The following MRAP2 variants were observed in gnomAD, a reference collection of about 807,000 sequenced individuals.
MRAP2 encodes the protein melanocortin-2 receptor accessory protein 2.
A neutral mutation model predicts 17.4 loss-of-function variants in MRAP2; 20 were observed. The ratio of observed to expected loss-of-function variants is 1.15; its 90% CI spans 0.81 to 1.67. The LOEUF (loss-of-function observed/expected upper bound fraction) is 1.67, where lower values mean the gene tolerates loss of function less well. Among genes scored for constraint, MRAP2 ranks in the 40% most tolerant of loss-of-function variants. The pLI is 0.00. For synonymous variants in MRAP2, 96 were observed against 88.4 expected (o/e 1.09, Z -0.48); for missense variants, 238 against 240.0 (o/e 0.99, Z 0.05).
At chr6:84,045,244 G>A (rs2099488671) in intron 1 of MRAP2, 1 of 985,346 alleles carries the variant, frequency 1.0e-6, no homozygotes, top group East Asian at 1.1e-4. Context: ...TGGACATGCT[G>A]GACATCGGGC....
the MRAP2 span, among the ~76,000 whole-genome samples, chr6:84,117,741 A>C: frequency 1.1e-4 from 17 of 151,468 alleles, 1 homozygote; most frequent in Admixed American, 6.6e-5. Context: ...GGGCTGCTGC[A>C]GTTTGCTGGG....
the MRAP2 span, among the ~76,000 whole-genome samples, chr6:84,116,563 A>C: frequency 6.6e-6 from 1 of 152,160 alleles, no homozygotes; most frequent in Admixed American, 6.5e-5. Flanking sequence ...CACTTGTCTT[A>C]TGCCGATTTT....
chr6:84,106,591 A>C, the MRAP2 span, among the ~76,000 whole-genome samples: 1 of 152,186 alleles, frequency 6.6e-6, no homozygotes, highest in Non-Finnish European at 1.5e-5. Context: ...TGCATATTAC[A>C]GAATTATCTG....
chr6:84,037,790 G>A (rs552515340), intron 1 of MRAP2, among the ~76,000 whole-genome samples: 25 of 152,042 alleles, frequency 1.6e-4, no homozygotes, highest in African/African-American at 5.3e-4. Flanking sequence ...TAGAACTCAC[G>A]CTGGCCAGCC....
At chr6:84,041,428 G>A (rs1033413670) in intron 1 of MRAP2, among the ~76,000 whole-genome samples, 1 of 152,228 alleles carries the variant, frequency 6.6e-6, no homozygotes, top group African/African-American at 2.4e-5. Context: ...ACTGCCTAGT[G>A]GAGTTCTGAG....
chr6:84,071,785 C>T (rs2099496252), intron 3 of MRAP2, among the ~76,000 whole-genome samples: 1 of 152,008 alleles, frequency 6.6e-6, no homozygotes, highest in South Asian at 2.1e-4. Flanking sequence ...TTTTCTTATT[C>T]TTTTTCAATG....
At chr6:84,034,505 G>T (rs1361808718) in intron 1 of MRAP2, among the ~76,000 whole-genome samples, 3 of 3,708 alleles carry the variant, frequency 8.1e-4, no homozygotes, top group South Asian at 4.5e-3. Flanking sequence ...CGCTCCCCCC[G>T]CCCGCCCCGC....
At chr6:84,062,394 G>T (rs2099493387) in intron 2 of MRAP2, 1 of 362,834 alleles carries the variant, frequency 2.8e-6, no homozygotes, top group Non-Finnish European at 3.8e-6. Context: ...CCAACCATGA[G>T]GCAGCCCAGA....
At chr6:84,115,411 G>T in the MRAP2 span, among the ~76,000 whole-genome samples, 1 of 152,140 alleles carries the variant, frequency 6.6e-6, no homozygotes, top group Non-Finnish European at 1.5e-5. Flanking sequence ...CAGCAATGGT[G>T]GACGCCCCTT....
chr6:84,040,641 G>A lies in MRAP2; in HGVS notation c.-8+6758G>A, dbSNP rs567557966. On this transcript the variant is annotated intron_variant, in intron 1 of 3. Transcript: ENST00000257776. Reference sequence around the variant, plus strand: ...TGATATGGACAATGAAGTCCAGGCTGAGGTGGTCTCAGATAGAGATGAGGA... The same window carrying A: ...TGATATGGACAATGAAGTCCAGGCTAAGGTGGTCTCAGATAGAGATGAGGA... Among the ~76,000 whole-genome samples the A allele has an allele frequency of 3.9e-5, 6 of 152,316 alleles. 1 individual carries two copies. Among genetic ancestry groups the A allele is most frequent in the African/African-American group, 1.2e-4 (5 of 41,572 alleles).
At chr6:84,108,823 CTT>C in the MRAP2 span, among the ~76,000 whole-genome samples, 8 of 152,142 alleles carry the variant, frequency 5.3e-5, no homozygotes, top group African/African-American at 1.9e-4. Context: ...ACATTTAAGT[CTT>C]TAATTCATCT....
At chr6:84,073,109 A>G (rs572355538) in intron 3 of MRAP2, among the ~76,000 whole-genome samples, 1 of 152,120 alleles carries the variant, frequency 6.6e-6, no homozygotes, top group Non-Finnish European at 1.5e-5. Flanking sequence ...GCCCCATTCA[A>G]ATTGTTACAA....
chr6:84,064,710 A>G (rs1399517519), intron 3 of MRAP2, among the ~76,000 whole-genome samples: 2 of 152,252 alleles, frequency 1.3e-5, no homozygotes, highest in East Asian at 1.9e-4. Context: ...GATGGTCTCG[A>G]TCTGCTGACT....
chr6:84,080,012 A>C (rs1021840696), intron 3 of MRAP2, among the ~76,000 whole-genome samples: 2 of 139,846 alleles, frequency 1.4e-5, no homozygotes, highest in Non-Finnish European at 3.0e-5. Context: ...CCCCAGCTCT[A>C]TTGCCAGGGT....
chr6:84,061,865 C>T, intron 2 of MRAP2: 1 of 985,398 alleles, frequency 1.0e-6, no homozygotes, highest in African/African-American at 1.7e-5. Context: ...TGTGGAATCT[C>T]TTTTACTCTG....
At chr6:84,117,630 C>T in the MRAP2 span, among the ~76,000 whole-genome samples, 1 of 148,804 alleles carries the variant, frequency 6.7e-6, no homozygotes, top group Non-Finnish European at 1.5e-5. Context: ...GGTTGCTGAC[C>T]TTTGGATGTG....
At chr6:84,138,325 T>C in the MRAP2 span, among the ~76,000 whole-genome samples, 8 of 152,204 alleles carry the variant, frequency 5.3e-5, no homozygotes, top group Admixed American at 2.0e-4. Context: ...AGGTGAGCTC[T>C]AGAGTTGTCC....
chr6:84,053,151 T>G (rs1248958935), intron 1 of MRAP2, among the ~76,000 whole-genome samples: 1 of 152,266 alleles, frequency 6.6e-6, no homozygotes, highest in African/African-American at 2.4e-5. Flanking sequence ...CAGCTCTCGG[T>G]TCTGTGGTGT....
intron 2 of MRAP2, among the ~76,000 whole-genome samples, chr6:84,057,218 C>T (rs1429322009): frequency 6.6e-6 from 1 of 152,194 alleles, no homozygotes; most frequent in Non-Finnish European, 1.5e-5. Context: ...GGTACAGTCT[C>T]TTTCATTTAA....
Sources: gnomAD v4.1 joint callset for allele counts (sites outside exome capture counted in the v4.1 genomes callset) on GRCh38, gnomAD v4.1.1 for gene constraint, MANE v1.5 for transcripts, NCBI Gene and HGNC (gene_info 2026-07-23, HGNC 2026-07-21) for gene names.